GLRA2: variants seen among roughly 807,000 people sequenced by gnomAD.
GLRA2 encodes glycine receptor subunit alpha-2.
Under a neutral mutation model 31.6 loss-of-function variants are expected in GLRA2, and 11 were observed. The observed-to-expected ratio is 0.35, with a 90% CI of 0.22 to 0.58. The LOEUF is 0.58. Ranked by LOEUF, GLRA2 falls within the 20% of genes least tolerant of loss-of-function variation. The pLI is 0.84. For missense variants in GLRA2, 212 were observed against 351.8 expected (o/e 0.60, Z 3.18); for synonymous variants, 132 against 134.0 (o/e 0.99, Z 0.10).
upstream of GLRA2, among the ~76,000 whole-genome samples, chrX:14,527,258 G>A (rs1049828639): frequency 2.7e-5 from 3 of 111,490 alleles, no homozygotes; most frequent in African/African-American, 9.8e-5. Context: ...CTGCTGGCCT[G>A]AGTCTCCTTT....
At chrX:14,453,280 G>C in the GLRA2 span, among the ~76,000 whole-genome samples, 3,875 of 111,357 alleles carry the variant, frequency 0.035, 161 homozygotes, top group African/African-American at 0.12. Context: ...ATTTAGCAAT[G>C]TGTGAAGACA....
chrX:14,513,275 G>T, the GLRA2 span, among the ~76,000 whole-genome samples: 15 of 111,630 alleles, frequency 1.3e-4, no homozygotes, highest in Non-Finnish European at 2.3e-4. Flanking sequence ...ACTCAAGATG[G>T]ATCAAAGACT....
intron 5 of GLRA2, 129 bp downstream of exon 5, chrX:14,604,526 A>C: frequency 2.1e-5 from 7 of 335,433 alleles, no homozygotes; most frequent in Non-Finnish European, 3.7e-5. Context: ...CAACATCCTA[A>C]TGGAAAGACA....
At chrX:14,507,416 C>T in the GLRA2 span, among the ~76,000 whole-genome samples, 7 of 111,327 alleles carry the variant, frequency 6.3e-5, no homozygotes, top group African/African-American at 2.0e-4. Context: ...ATGTTTGGCA[C>T]GCTATCTGCC....
intron 2 of GLRA2, among the ~76,000 whole-genome samples, chrX:14,546,297 A>G (rs1206271092): frequency 4.5e-5 from 5 of 111,347 alleles, no homozygotes; most frequent in Admixed American, 2.9e-4. Context: ...TTTCTGACTC[A>G]CGTTTGTTTA....
At chrX:14,637,801 G>C (rs907861114) in intron 7 of GLRA2, among the ~76,000 whole-genome samples, 1 of 111,477 alleles carries the variant, frequency 9.0e-6, no homozygotes, top group South Asian at 3.7e-4. Flanking sequence ...GCTCCCACAG[G>C]TTTCATATAA....
the GLRA2 span, among the ~76,000 whole-genome samples, chrX:14,457,357 C>T: frequency 1.1e-4 from 12 of 109,995 alleles, no homozygotes; most frequent in African/African-American, 2.7e-4. Context: ...CCTAGCCCCC[C>T]ACCCCCCACG....
chrX:14,496,561 T>A, the GLRA2 span, among the ~76,000 whole-genome samples: 1 of 111,957 alleles, frequency 8.9e-6, no homozygotes, highest in African/African-American at 3.2e-5. Flanking sequence ...TGACCCTGCT[T>A]TCCAACATTA....
At chrX:14,596,703 T>C (rs1041848205) in intron 4 of GLRA2, among the ~76,000 whole-genome samples, 2 of 111,534 alleles carry the variant, frequency 1.8e-5, no homozygotes, top group African/African-American at 6.5e-5. Context: ...TGAAAAATTA[T>C]AGACCTCTTT....
the GLRA2 span, among the ~76,000 whole-genome samples, chrX:14,489,176 G>T: frequency 8.9e-6 from 1 of 111,918 alleles, no homozygotes; most frequent in Admixed American, 9.5e-5. Flanking sequence ...AATTTAAAAT[G>T]GTTTTTGAAT....
chrX:14,664,101 A>G (rs1279081732), intron 7 of GLRA2, among the ~76,000 whole-genome samples: 2 of 110,923 alleles, frequency 1.8e-5, no homozygotes, highest in East Asian at 5.6e-4. Flanking sequence ...ATTTTCCCCT[A>G]GTCCATTTTG....
At chrX:14,653,828 T>C (rs1004447305) in intron 7 of GLRA2, among the ~76,000 whole-genome samples, 1 of 112,368 alleles carries the variant, frequency 8.9e-6, no homozygotes, top group Non-Finnish European at 1.9e-5. Flanking sequence ...GGTTGTCTTA[T>C]TTAAAGAAAT....
At chrX:14,531,020 A>G in intron 1 of GLRA2, 7 of 950,665 alleles carry the variant, frequency 7.4e-6, no homozygotes, top group Non-Finnish European at 9.5e-6. Flanking sequence ...ATACTGGGAA[A>G]ACCCACTATG....
chrX:14,633,636 G>A (rs1329172046), intron 7 of GLRA2, among the ~76,000 whole-genome samples: 2 of 111,722 alleles, frequency 1.8e-5, no homozygotes, highest in South Asian at 3.8e-4. Flanking sequence ...TAAAATACCC[G>A]AGACTGGGTA....
chrX:14,560,867 TACAAACATATATATATATACATAC>T (rs1241240292), intron 2 of GLRA2, among the ~76,000 whole-genome samples: 1 of 97,844 alleles, frequency 1.0e-5, no homozygotes, highest in Non-Finnish European at 2.0e-5. Flanking sequence ...CTGTGGTAAA[TACAAACATATATATATATACATAC>T]ACACACATAA....
chrX:14,540,324 T>C (rs1208498037), intron 2 of GLRA2, among the ~76,000 whole-genome samples: 2 of 111,059 alleles, frequency 1.8e-5, no homozygotes, highest in Admixed American at 9.6e-5. Flanking sequence ...AAGGCAGCTA[T>C]ACAGAAGGGT....
intron 7 of GLRA2, among the ~76,000 whole-genome samples, chrX:14,625,260 C>T (rs879068807): frequency 7.2e-5 from 8 of 110,909 alleles, no homozygotes; most frequent in African/African-American, 2.6e-4. Flanking sequence ...TGAGATGGGT[C>T]TCCTGAATAC....
chrX:14,526,419 C>T (rs1267290308), upstream of GLRA2, among the ~76,000 whole-genome samples: 2 of 112,292 alleles, frequency 1.8e-5, no homozygotes, highest in Admixed American at 1.9e-4. Context: ...CTGGTTTCAG[C>T]ATACAGGATG....
chrX:14,630,544 C>T (rs1045134587), intron 7 of GLRA2, among the ~76,000 whole-genome samples: 2 of 111,451 alleles, frequency 1.8e-5, no homozygotes, highest in Admixed American at 9.6e-5. Context: ...TTTTTCTGTA[C>T]CCTTTTCTGT....
Sources: allele counts gnomAD v4.1 joint callset (sites outside exome capture counted in the v4.1 genomes callset), GRCh38; gene constraint gnomAD v4.1.1; transcripts MANE v1.5; gene names NCBI Gene and HGNC (gene_info 2026-07-23, HGNC 2026-07-21).